DHRSX: variants seen among roughly 807,000 people sequenced by gnomAD.
DHRSX encodes polyprenol dehydrogenase.
DHRSX carries 31 observed loss-of-function variants against 34.0 expected under a neutral mutation model. The observed-to-expected ratio is 0.91, with a 90% CI of 0.69 to 1.23. The LOEUF is 1.23. Among genes scored for constraint, DHRSX ranks in the 50% most tolerant of loss-of-function variants. The pLI is 0.00. For missense variants in DHRSX, 414 were observed against 428.1 expected (o/e 0.97, Z 0.29); for synonymous variants, 201 against 183.8 (o/e 1.09, Z -0.76).
At chrX:2,227,217 G>A (rs1409631342) in intron 6 of DHRSX, among the ~76,000 whole-genome samples, 2 of 151,982 alleles carry the variant, frequency 1.3e-5, no homozygotes, top group African/African-American at 2.4e-5. Context: ...ACAACTCAGT[G>A]TCATCAGCTA....
At chrX:2,291,420 G>C (rs982736454) in intron 4 of DHRSX, 82 bp downstream of exon 4, 2 of 1,074,758 alleles carry the variant, frequency 1.9e-6, no homozygotes, top group Admixed American at 1.8e-5. Context: ...GTTTTGCTGA[G>C]ACACTTCTCC....
At chrX:2,299,767 A>G (rs2041989589) in intron 3 of DHRSX, among the ~76,000 whole-genome samples, 1 of 151,998 alleles carries the variant, frequency 6.6e-6, no homozygotes, top group African/African-American at 2.4e-5. Context: ...AGGCAGGACA[A>G]TCGTTTGAAC....
chrX:2,314,090 G>A (rs183160228), intron 3 of DHRSX, among the ~76,000 whole-genome samples: 131 of 149,968 alleles, frequency 8.7e-4, no homozygotes, highest in African/African-American at 3.1e-3. Flanking sequence ...GTTGTAAAAT[G>A]TTTCTTATCA....
At chrX:2,282,796 AAAGAGAG>A (rs1180720323) in intron 4 of DHRSX, among the ~76,000 whole-genome samples, 1 of 47,442 alleles carries the variant, frequency 2.1e-5, no homozygotes, top group South Asian at 7.8e-4. Flanking sequence ...GAGAGAGAAG[AAAGAGAG>A]AAGAGAGAAA....
intron 4 of DHRSX, among the ~76,000 whole-genome samples, chrX:2,269,663 A>C (rs1364171538): frequency 1.3e-5 from 2 of 152,000 alleles, no homozygotes; most frequent in African/African-American, 4.8e-5. Context: ...TAGCCTCCCG[A>C]GTAGCTGGGA....
chrX:2,294,303 GGAGGC>G (rs2041903846), intron 3 of DHRSX, among the ~76,000 whole-genome samples: 1 of 152,102 alleles, frequency 6.6e-6, no homozygotes, highest in African/African-American at 2.4e-5. Flanking sequence ...CAGCACTTTA[GGAGGC>G]GAAGGCAGGC....
chrX:2,254,136 G>A (rs772876278), intron 5 of DHRSX, among the ~76,000 whole-genome samples: 1 of 152,040 alleles, frequency 6.6e-6, no homozygotes, highest in Non-Finnish European at 1.5e-5. Context: ...GTCATATCTC[G>A]GTCTCCCAAC....
At chrX:2,299,990 C>T (rs1382170297) in intron 3 of DHRSX, among the ~76,000 whole-genome samples, 2 of 151,974 alleles carry the variant, frequency 1.3e-5, no homozygotes, top group Non-Finnish European at 2.9e-5. Flanking sequence ...GACACAGAGG[C>T]ATGTGTTGAT....
At chrX:2,303,632 CT>C (rs1210926027) in intron 3 of DHRSX, among the ~76,000 whole-genome samples, 1 of 152,088 alleles carries the variant, frequency 6.6e-6, no homozygotes, top group Non-Finnish European at 1.5e-5. Flanking sequence ...TCAGGTACTT[CT>C]TTATAGCAAT....
chrX:2,275,482 C>T (rs957167673), intron 4 of DHRSX, among the ~76,000 whole-genome samples: 3 of 149,242 alleles, frequency 2.0e-5, no homozygotes, highest in Non-Finnish European at 4.5e-5. Context: ...CACTCCAGCC[C>T]CGGCCGACAA....
At chrX:2,245,094 C>T (rs776897487) in intron 5 of DHRSX, among the ~76,000 whole-genome samples, 26 of 152,208 alleles carry the variant, frequency 1.7e-4, no homozygotes, top group Admixed American at 1.6e-3. Context: ...AAGCGGGAAG[C>T]TCAAAGGAAA....
At chrX:2,334,124 G>A (rs2042519295) in intron 3 of DHRSX, among the ~76,000 whole-genome samples, 1 of 149,736 alleles carries the variant, frequency 6.7e-6, no homozygotes, top group African/African-American at 2.5e-5. Context: ...CCCAGGAATG[G>A]TTGCTGGGTT....
In DHRSX at chrX:2,219,528, C is replaced by G. The variant is rs1211193742; in HGVS notation, c.*1513G>C. 2 of 151,998 alleles carry G rather than the reference C, an allele frequency of 1.3e-5. No individual in the cohort carries two copies. Among genetic ancestry groups the G allele is most frequent in the Non-Finnish European group, 2.9e-5 (2 of 68,002 alleles). 9.4% of individuals were successfully genotyped at this position (151,998 alleles called of 1,614,324 possible). On this transcript the variant is annotated 3_prime_UTR_variant, in exon 7 of 7. Coordinates refer to ENST00000334651, the MANE Select transcript of DHRSX (RefSeq NM_145177.3). ...TGATTTTTTTTTTAAAGAGGCCAAA[C>G]AATACATTTATTATTTTCATTTAAG...
At chrX:2,274,305 T>C (rs2041595860) in intron 4 of DHRSX, among the ~76,000 whole-genome samples, 1 of 152,158 alleles carries the variant, frequency 6.6e-6, no homozygotes, top group Non-Finnish European at 1.5e-5. Flanking sequence ...CCCAAAGTGC[T>C]GGGACTACAG....
intron 3 of DHRSX, among the ~76,000 whole-genome samples, chrX:2,369,273 A>T (rs1215892756): frequency 6.6e-6 from 1 of 152,220 alleles, no homozygotes; most frequent in African/African-American, 2.4e-5. Context: ...CCAACATCAG[A>T]ACTGGAGACA....
At chrX:2,377,832 G>A (rs754826418) in intron 3 of DHRSX, among the ~76,000 whole-genome samples, 129 of 151,414 alleles carry the variant, frequency 8.5e-4, no homozygotes, top group African/African-American at 2.6e-3. Context: ...TCCGCCTCCC[G>A]GGTTCAAGTG....
intron 3 of DHRSX, among the ~76,000 whole-genome samples, chrX:2,340,930 G>C (rs1205214137): frequency 6.6e-6 from 1 of 152,120 alleles, no homozygotes; most frequent in African/African-American, 2.4e-5. Flanking sequence ...GCAAGCATTT[G>C]AGCTGAGCAA....
chrX:2,489,543 T>TGGCCCACTCGCTGGC, intron 1 of DHRSX: 1 of 1,612,744 alleles, frequency 6.2e-7, no homozygotes, highest in Non-Finnish European at 8.5e-7. Flanking sequence ...CCCTCGATGG[T>TGGCCCACTCGCTGGC]GGCCCACTCG....
intron 3 of DHRSX, among the ~76,000 whole-genome samples, chrX:2,400,779 T>C (rs1000247385): frequency 1.3e-5 from 2 of 152,210 alleles, no homozygotes; most frequent in Non-Finnish European, 2.9e-5. Context: ...GTATTTTCAA[T>C]CTACTCAATT....
Sources: allele counts gnomAD v4.1 joint callset (sites outside exome capture counted in the v4.1 genomes callset), GRCh38; gene constraint gnomAD v4.1.1; transcripts MANE v1.5; gene names NCBI Gene and HGNC (gene_info 2026-07-23, HGNC 2026-07-21).